The following BEAN1 variants were observed in gnomAD, a reference collection of about 807,000 sequenced individuals.
The protein encoded by BEAN1 is protein BEAN1.
Under a neutral mutation model 17.7 loss-of-function variants are expected in BEAN1, and 17 were observed. The ratio of observed to expected loss-of-function variants is 0.96; its 90% CI spans 0.66 to 1.44. The LOEUF is 1.44. Among genes scored for constraint, BEAN1 ranks in the 40% most tolerant of loss-of-function variants. The pLI, the probability that BEAN1 is intolerant of heterozygous loss-of-function variation, is 0.00. For missense variants in BEAN1, 359 were observed against 374.1 expected (o/e 0.96, Z 0.33); for synonymous variants, 142 against 151.8 (o/e 0.94, Z 0.47).
chr16:66,471,760 G>A lies in BEAN1; in HGVS notation c.289+1895G>A, dbSNP rs983029791. Among the ~76,000 whole-genome samples the A allele has an allele frequency of 6.6e-6, 1 of 152,202 alleles. No homozygotes were observed. Among genetic ancestry groups the A allele is most frequent in the East Asian group, 1.9e-4 (1 of 5,188 alleles). On this transcript the variant is annotated intron_variant, in intron 3 of 4. Transcript: ENST00000536005. The surrounding 1 kb of genome is among the most constrained non-coding windows in gnomAD (Gnocchi z 4.7). The stretch of plus-strand genomic sequence containing the variant: ...AGATGTGGAAAGCTCAGCCCACCCA[G>A]TCTCTGCAAGTCTCCCCAGAAGCCA...
intron 2 of BEAN1, among the ~76,000 whole-genome samples, chr16:66,440,575 C>T (rs767350674): frequency 6.6e-6 from 1 of 152,222 alleles, no homozygotes; most frequent in South Asian, 2.1e-4. Context: ...AGCAGGGATT[C>T]TCCCTGCACC....
At chr16:66,461,704 T>C (rs976546328) in intron 2 of BEAN1, among the ~76,000 whole-genome samples, 4 of 152,076 alleles carry the variant, frequency 2.6e-5, no homozygotes, top group African/African-American at 7.2e-5. Flanking sequence ...GGGTGACCAG[T>C]GTGTCCCAAC....
At chr16:66,437,782 G>A (rs1043059462) in intron 2 of BEAN1, 81 bp downstream of exon 2, 3 of 1,469,856 alleles carry the variant, frequency 2.0e-6, no homozygotes, top group Non-Finnish European at 2.8e-6. Flanking sequence ...AGAACGGCTT[G>A]AGGTGTTTGG....
At chr16:66,439,066 T>C (rs2142380486) in intron 2 of BEAN1, among the ~76,000 whole-genome samples, 1 of 152,270 alleles carries the variant, frequency 6.6e-6, no homozygotes, top group Non-Finnish European at 1.5e-5. Flanking sequence ...TGTTAAATCA[T>C]TTGGATATCA....
At chr16:66,484,809 G>A (rs1342864535), downstream of BEAN1, 12 of 453,996 alleles carry the variant, frequency 2.6e-5, no homozygotes, top group Admixed American at 1.4e-4. This position sits in a 1 kb window ranked among gnomAD's most constrained non-coding sequence, Gnocchi z 4.2. Context: ...AGTGACGCCC[G>A]CCCTCAGGTG....
rs138385595 is a variant in BEAN1 at position 66,456,547 on chromosome 16, G to A, written c.26-13055G>A. On this transcript the variant is annotated intron_variant, in intron 2 of 4. Transcript: ENST00000536005. ...CAAGAGCCAACTCTAGATGGTGATGGAAGAGAAGAGAATATGAGCAGGTTG... is the reference window on the plus strand; with the variant it reads ...CAAGAGCCAACTCTAGATGGTGATGAAAGAGAAGAGAATATGAGCAGGTTG... 3.0e-4 allele frequency among the ~76,000 whole-genome samples: 45 copies of A among 152,348 alleles called. No homozygotes were observed. The East Asian group carries it at 7.9e-3, about 27-fold the overall frequency.
In BEAN1 at chr16:66,473,241, G is replaced by T. The variant is rs1160509843; in HGVS notation, c.289+3376G>T. Among the ~76,000 whole-genome samples, 1 of 152,026 alleles carries T rather than the reference G, an allele frequency of 6.6e-6. No homozygotes were observed. The highest frequency in any genetic ancestry group is 1.5e-5 in the Non-Finnish European group (1 of 67,982). Reference sequence around the variant, plus strand: ...ACTGGTGCCAATGAATGAGGCCTCGGCTCTGTCCCTGGGGTGGGTGGGATG... The same window carrying T: ...ACTGGTGCCAATGAATGAGGCCTCGTCTCTGTCCCTGGGGTGGGTGGGATG... On this transcript the variant is annotated intron_variant, in intron 3 of 4. Transcript: ENST00000536005. The surrounding 1 kb of genome is among the most constrained non-coding windows in gnomAD (Gnocchi z 4.5).
chr16:66,445,290 C>T (rs1183690280), intron 2 of BEAN1, among the ~76,000 whole-genome samples: 5 of 151,548 alleles, frequency 3.3e-5, no homozygotes, highest in African/African-American at 1.2e-4. Context: ...TCCTGGCTAA[C>T]ACGATGAAAC....
chr16:66,450,821 G>A (rs1394340042), intron 2 of BEAN1, among the ~76,000 whole-genome samples: 1 of 152,210 alleles, frequency 6.6e-6, no homozygotes, highest in Non-Finnish European at 1.5e-5. Context: ...AAGCATAGGT[G>A]AGCAGAGGTA....
chr16:66,431,362 T>C (rs1273942820), intron 1 of BEAN1, among the ~76,000 whole-genome samples: 1 of 152,248 alleles, frequency 6.6e-6, no homozygotes, highest in Non-Finnish European at 1.5e-5. Flanking sequence ...TTGCTTTTCA[T>C]TTTGTTAGCA....
chr16:66,482,866 T>C (rs1597054183), downstream of BEAN1: 1 of 455,966 alleles, frequency 2.2e-6, no homozygotes, highest in Non-Finnish European at 4.4e-6. Context: ...TTTCTTTTCT[T>C]TTTTTCTTCA....
chr16:66,455,711 G>C (rs1005649902), intron 2 of BEAN1, among the ~76,000 whole-genome samples: 3 of 146,884 alleles, frequency 2.0e-5, no homozygotes, highest in Non-Finnish European at 3.0e-5. Context: ...TTTTGAAACA[G>C]AGTCTTATTC....
At chr16:66,429,155 T>C (rs1356862173) in intron 1 of BEAN1, among the ~76,000 whole-genome samples, 2 of 152,128 alleles carry the variant, frequency 1.3e-5, no homozygotes, top group Non-Finnish European at 2.9e-5. Context: ...GACACACCGA[T>C]GGTGACGGTT....
Position 66,445,475 on chromosome 16 carries a change from C to CAAAAAAAA in BEAN1, c.25+7807_25+7814dup, listed in dbSNP as rs61540693. On this transcript the variant is annotated intron_variant, in intron 2 of 4. Coordinates refer to ENST00000536005, the MANE Select transcript of BEAN1 (RefSeq NM_001178020.3). ...TGGGCAAGAGAGTGAGACTCCGTCTCAAAAAAAAAAAAAAAAAAAAAAAAA... is the reference window on the plus strand; with the variant it reads ...TGGGCAAGAGAGTGAGACTCCGTCTCAAAAAAAAAAAAAAAAAAAAAAAAAAAAAAAAA... 5.5e-4 allele frequency among the ~76,000 whole-genome samples: 27 copies of CAAAAAAAA among 49,322 alleles called. 2 individuals carry two copies. The highest frequency in any genetic ancestry group is 5.7e-4 in the African/African-American group (7 of 12,364). 32.4% of individuals were successfully genotyped at this position (49,322 alleles called of 152,430 possible).
At chr16:66,490,032 C>T (rs78391540) in intron 4 of BEAN1, among the ~76,000 whole-genome samples, 9,924 of 151,642 alleles carry the variant, frequency 0.065, 438 homozygotes, top group South Asian at 0.18. Flanking sequence ...TCCTTCCTGG[C>T]GACTGGAGAG....
intron 2 of BEAN1, chr16:66,437,922 T>C (rs138177621): frequency 1.5e-6 from 1 of 647,320 alleles, no homozygotes; most frequent in African/African-American, 1.8e-5. Context: ...CCCATTCTTC[T>C]GTATCAGCCC....
chr16:66,486,267 C>T (rs915836758), downstream of BEAN1, among the ~76,000 whole-genome samples: 1 of 152,158 alleles, frequency 6.6e-6, no homozygotes. Flanking sequence ...CTCACCCTGT[C>T]GCCCACACTG....
chr16:66,459,775 C>T (rs1211006455), intron 2 of BEAN1, among the ~76,000 whole-genome samples: 1 of 152,206 alleles, frequency 6.6e-6, no homozygotes, highest in Non-Finnish European at 1.5e-5. Context: ...CCAAGATTCT[C>T]CTATAATGGA....
chr16:66,484,446 A>G (rs1964056387), downstream of BEAN1: 1 of 377,622 alleles, frequency 2.6e-6, no homozygotes, highest in African/African-American at 2.1e-5. The surrounding 1 kb of genome is among the most constrained non-coding windows in gnomAD (Gnocchi z 4.2). Flanking sequence ...GTGGTGTGTC[A>G]CATATGGCAC....
Sources: allele counts gnomAD v4.1 joint callset (sites outside exome capture counted in the v4.1 genomes callset), GRCh38; gene constraint gnomAD v4.1.1; non-coding constraint Gnocchi (gnomAD v3.1); transcripts MANE v1.5; gene names NCBI Gene and HGNC (gene_info 2026-07-23, HGNC 2026-07-21).